Variants in ATG4C observed in about 807,000 individuals in gnomAD.
The protein encoded by ATG4C is autophagy related 4C cysteine peptidase, also known as cysteine protease ATG4C.
ATG4C carries 56 observed loss-of-function variants against 57.6 expected under a neutral mutation model. The ratio of observed to expected loss-of-function variants is 0.97; its 90% CI spans 0.78 to 1.21. The LOEUF (loss-of-function observed/expected upper bound fraction) is 1.21, where lower values mean the gene tolerates loss of function less well. Ranked by LOEUF, ATG4C falls within the 50% of genes most tolerant of loss-of-function variation. The pLI is 0.00. For missense variants in ATG4C, 595 were observed against 529.8 expected (o/e 1.12, Z -1.21); for synonymous variants, 157 against 174.1 (o/e 0.90, Z 0.78).
At chr1:62,813,763 A>G (rs1665170026) in intron 3 of ATG4C, among the ~76,000 whole-genome samples, 2 of 152,224 alleles carry the variant, frequency 1.3e-5, no homozygotes, top group African/African-American at 2.4e-5. Context: ...GAAAAAAACA[A>G]TCCCATCAAA....
At chr1:62,793,099 G>C (rs1249213579) in intron 1 of ATG4C, among the ~76,000 whole-genome samples, 1 of 150,326 alleles carries the variant, frequency 6.7e-6, no homozygotes, top group African/African-American at 2.4e-5. Context: ...TGTTAGCCAG[G>C]ATGGTCTCGA....
chr1:62,845,544 C>T lies in ATG4C; in HGVS notation c.1209+3997C>T, dbSNP rs186680265. Among the ~76,000 whole-genome samples the T allele has an allele frequency of 2.2e-3, 332 of 152,046 alleles. 1 individual carries two copies. Among genetic ancestry groups the T allele is most frequent in the African/African-American group, 7.5e-3 (310 of 41,496 alleles). Reference sequence around the variant, plus strand: ...CGCTATTTTTACTTGTTAATTGTGTCTTTAATTTTAATATAGTCAAATTAA... The same window carrying T: ...CGCTATTTTTACTTGTTAATTGTGTTTTTAATTTTAATATAGTCAAATTAA... On this transcript the variant is annotated intron_variant, in intron 10 of 10. Coordinates refer to ENST00000317868, the MANE Select transcript of ATG4C (RefSeq NM_032852.4).
At position 62,822,909 on chromosome 1, in the gene ATG4C, C is replaced by CTT. The variant is rs1377788095; in HGVS notation, c.796+1702_796+1703dup. Reference sequence around the variant, plus strand: ...GTGGCTCATGCCTATAATCCCAGCACTTTGACAGGCCGAGGTCGGGGGATC... The same window carrying CTT: ...GTGGCTCATGCCTATAATCCCAGCACTTTTTGACAGGCCGAGGTCGGGGGATC... On this transcript the variant is annotated intron_variant, in intron 6 of 10. Coordinates refer to ENST00000317868, the MANE Select transcript of ATG4C (RefSeq NM_032852.4). Among the ~76,000 whole-genome samples the CTT allele has an allele frequency of 2.6e-5, 4 of 152,192 alleles. No individual in the cohort carries two copies. The South Asian group carries it at 8.3e-4, about 31-fold the overall frequency.
intron 4 of ATG4C, 94 bp from the exon 5 acceptor site, chr1:62,818,911 C>A (rs1477931404): frequency 2.9e-6 from 3 of 1,022,888 alleles, no homozygotes; most frequent in Non-Finnish European, 2.8e-6. Flanking sequence ...GTCTTAGTAA[C>A]CCAAATGACC....
intron 1 of ATG4C, among the ~76,000 whole-genome samples, chr1:62,790,033 G>C (rs1447285724): frequency 6.6e-6 from 1 of 151,184 alleles, no homozygotes; most frequent in Non-Finnish European, 1.5e-5. Flanking sequence ...TCCTGCCTCA[G>C]CCTCCCGAGT....
chr1:62,803,530 C>T (rs1664753106), intron 1 of ATG4C, among the ~76,000 whole-genome samples, 189 bp from the exon 2 acceptor site: 1 of 151,996 alleles, frequency 6.6e-6, no homozygotes, highest in South Asian at 2.1e-4. Context: ...TATAGAATAT[C>T]TTATTCTATA....
chr1:62,793,122 A>T (rs534451000), intron 1 of ATG4C, among the ~76,000 whole-genome samples: 3 of 150,096 alleles, frequency 2.0e-5, no homozygotes, highest in Admixed American at 6.6e-5. Flanking sequence ...TCCTGACCTC[A>T]TGATTCGCCC....
intron 6 of ATG4C, among the ~76,000 whole-genome samples, chr1:62,825,549 A>G (rs959641370): frequency 6.6e-6 from 1 of 152,046 alleles, no homozygotes; most frequent in Non-Finnish European, 1.5e-5. Flanking sequence ...ACTTCATCTC[A>G]TCTTTTTTTC....
At chr1:62,846,150 C>A (rs1666319918) in intron 10 of ATG4C, among the ~76,000 whole-genome samples, 1 of 152,204 alleles carries the variant, frequency 6.6e-6, no homozygotes, top group Non-Finnish European at 1.5e-5. Context: ...TCTTCAAGGT[C>A]ACTAATGACC....
chr1:62,819,463 G>A (rs911393863), intron 5 of ATG4C, 128 bp downstream of exon 5: 20 of 661,572 alleles, frequency 3.0e-5, no homozygotes, highest in South Asian at 4.4e-5. Flanking sequence ...TGATAAAGAC[G>A]CTTTCATTTG....
intron 10 of ATG4C, among the ~76,000 whole-genome samples, chr1:62,860,105 C>T (rs576717544): frequency 6.6e-6 from 1 of 152,020 alleles, no homozygotes; most frequent in Admixed American, 6.5e-5. Context: ...CAAACATACA[C>T]ATTAGTTTAG....
At chr1:62,847,917 T>G (rs180929078) in intron 10 of ATG4C, among the ~76,000 whole-genome samples, 1 of 152,334 alleles carries the variant, frequency 6.6e-6, no homozygotes. Flanking sequence ...TCTTCCGTTC[T>G]CTGCCTTCTT....
chr1:62,861,650 A>G (rs1357021711), intron 10 of ATG4C, among the ~76,000 whole-genome samples: 1 of 151,346 alleles, frequency 6.6e-6, no homozygotes, highest in African/African-American at 2.4e-5. Context: ...CACATGAGAA[A>G]AATCACTGTT....
chr1:62,829,872 T>C (rs974005352), intron 7 of ATG4C, among the ~76,000 whole-genome samples: 2 of 152,134 alleles, frequency 1.3e-5, no homozygotes, highest in Non-Finnish European at 2.9e-5. Flanking sequence ...AAATTCTTCA[T>C]TTTTTAGTAG....
chr1:62,836,988 T>C (rs1666019219), intron 9 of ATG4C, among the ~76,000 whole-genome samples: 1 of 152,166 alleles, frequency 6.6e-6, no homozygotes. Flanking sequence ...ATTTCTAGAA[T>C]TGAACTCTTA....
intron 1 of ATG4C, 122 bp from the exon 2 acceptor site, chr1:62,803,597 G>A: frequency 2.7e-6 from 1 of 371,944 alleles, no homozygotes; most frequent in East Asian, 4.2e-5. Flanking sequence ...AGTATAAAAA[G>A]AGAAATTGTT....
At chr1:62,785,120 T>G (rs978430041) in intron 1 of ATG4C, 2 of 152,198 alleles carry the variant, frequency 1.3e-5, no homozygotes, top group Admixed American at 1.3e-4. Flanking sequence ...GGACCATATG[T>G]CCCCGGTGGG....
intron 3 of ATG4C, among the ~76,000 whole-genome samples, chr1:62,810,871 A>G (rs924903957): frequency 6.6e-6 from 1 of 152,162 alleles, no homozygotes; most frequent in Non-Finnish European, 1.5e-5. Flanking sequence ...ATTCAAATTA[A>G]TATTTGAAAT....
At chr1:62,852,435 TGTAATGTGCTTATTCTGCA>T (rs1666544600) in intron 10 of ATG4C, among the ~76,000 whole-genome samples, 1 of 152,240 alleles carries the variant, frequency 6.6e-6, no homozygotes, top group Admixed American at 6.5e-5. Context: ...GGGAACCTGC[TGTAATGTGCTTATTCTGCA>T]GTTTCTTGAT....
Sources: gnomAD v4.1 joint callset for allele counts (sites outside exome capture counted in the v4.1 genomes callset) on GRCh38, gnomAD v4.1.1 for gene constraint, MANE v1.5 for transcripts, NCBI Gene and HGNC (gene_info 2026-07-23, HGNC 2026-07-21) for gene names.